The following CHODL variants were observed in gnomAD, a reference collection of about 807,000 sequenced individuals.
CHODL encodes chondrolectin, also known as transmembrane protein MT75.
A neutral mutation model predicts 34.5 loss-of-function variants in CHODL; 29 were observed. The ratio of observed to expected loss-of-function variants is 0.84; its 90% CI spans 0.63 to 1.15. The LOEUF (loss-of-function observed/expected upper bound fraction) is 1.15. Among genes scored for constraint, CHODL ranks in the 50% most tolerant of loss-of-function variants. CHODL has a pLI of 0.00. For synonymous variants in CHODL, 125 were observed against 116.1 expected, an observed-to-expected ratio of 1.08 and a Z score of -0.49; for missense variants, 332 against 332.5, an observed-to-expected ratio of 1.00 and a Z score of 0.01.
intron 1 of CHODL, among the ~76,000 whole-genome samples, chr21:18,248,827 A>G (rs2074189389): frequency 8.6e-6 from 1 of 116,822 alleles, no homozygotes; most frequent in African/African-American, 3.8e-5. Flanking sequence ...TTATATATGT[A>G]TGTATATTGT....
At chr21:18,014,624 T>C (rs1347738497) in intron 1 of CHODL, among the ~76,000 whole-genome samples, 4 of 152,184 alleles carry the variant, frequency 2.6e-5, no homozygotes, top group Non-Finnish European at 4.4e-5. Context: ...CTTGCAATAG[T>C]GAGTAAGCTC....
At chr21:17,965,745 A>G (rs1326205475) in intron 1 of CHODL, among the ~76,000 whole-genome samples, 1 of 152,100 alleles carries the variant, frequency 6.6e-6, no homozygotes, top group African/African-American at 2.4e-5. Flanking sequence ...TTTTACTAAC[A>G]CAATAAAAGT....
chr21:17,972,877 A>G (rs1034941756), intron 1 of CHODL, among the ~76,000 whole-genome samples: 4 of 152,182 alleles, frequency 2.6e-5, no homozygotes, highest in Non-Finnish European at 5.9e-5. Flanking sequence ...CCATCATACT[A>G]CGTGACTTCA....
At chr21:17,931,863 A>G (rs957329643) in intron 1 of CHODL, among the ~76,000 whole-genome samples, 12 of 152,176 alleles carry the variant, frequency 7.9e-5, no homozygotes, top group African/African-American at 2.9e-4. Context: ...CGAAGAAAAC[A>G]TGGGGAAAAC....
chr21:18,054,458 G>A (rs1384140014), intron 2 of CHODL, among the ~76,000 whole-genome samples: 1 of 151,948 alleles, frequency 6.6e-6, no homozygotes, highest in African/African-American at 2.4e-5. Flanking sequence ...AGGAAATCTT[G>A]TCATGGATGA....
chr21:18,196,365 G>A (rs1020277753), intron 2 of CHODL, among the ~76,000 whole-genome samples: 1 of 152,070 alleles, frequency 6.6e-6, no homozygotes, highest in African/African-American at 2.4e-5. Context: ...TAAATCTTAG[G>A]AAATTTTTTC....
chr21:18,183,852 T>C (rs1427411573), intron 2 of CHODL, among the ~76,000 whole-genome samples: 1 of 152,216 alleles, frequency 6.6e-6, no homozygotes, highest in Non-Finnish European at 1.5e-5. Flanking sequence ...AATGTTGTGG[T>C]GATCTGTATC....
intron 2 of CHODL, among the ~76,000 whole-genome samples, chr21:18,160,964 TC>T (rs2073088685): frequency 6.6e-6 from 1 of 152,212 alleles, no homozygotes; most frequent in Admixed American, 6.5e-5. Context: ...GTATAAGTGT[TC>T]CTTTTTCTCC....
chr21:18,096,132 T>A (rs529098641), intron 2 of CHODL, among the ~76,000 whole-genome samples: 1 of 152,170 alleles, frequency 6.6e-6, no homozygotes, highest in Non-Finnish European at 1.5e-5. Flanking sequence ...ATTGTGAAGA[T>A]TTCATGGACA....
At chr21:18,045,699 A>G (rs1359415428) in intron 2 of CHODL, among the ~76,000 whole-genome samples, 3 of 151,984 alleles carry the variant, frequency 2.0e-5, no homozygotes, top group Non-Finnish European at 2.9e-5. Flanking sequence ...TCCCCAATGC[A>G]TCAGTATTAA....
At chr21:17,980,012 A>T (rs1005089883) in intron 1 of CHODL, among the ~76,000 whole-genome samples, 1 of 151,906 alleles carries the variant, frequency 6.6e-6, no homozygotes, top group African/African-American at 2.4e-5. Flanking sequence ...AAATGTTGAC[A>T]TAAATTAAAA....
intron 3 of CHODL, among the ~76,000 whole-genome samples, chr21:18,257,437 A>T (rs143358113): frequency 1.8e-3 from 273 of 152,306 alleles, no homozygotes; most frequent in African/African-American, 6.1e-3. Context: ...ATTTTAAAAT[A>T]TTTTAAACAT....
intron 2 of CHODL, among the ~76,000 whole-genome samples, chr21:18,181,415 C>T (rs989363309): frequency 6.6e-5 from 10 of 152,194 alleles, no homozygotes; most frequent in Non-Finnish European, 1.5e-5. Flanking sequence ...GTTTTTGTTT[C>T]TGTTTGAGAC....
At chr21:18,013,635 C>CTTTTTTTTTTTTTTTTTGT (rs2064041954) in intron 1 of CHODL, among the ~76,000 whole-genome samples, 1 of 71,896 alleles carries the variant, frequency 1.4e-5, no homozygotes, top group Non-Finnish European at 2.5e-5. Context: ...GCTGCTGCTG[C>CTTTTTTTTTTTTTTTTTGT]TTTTTTTTTT....
At chr21:18,230,576 AT>A (rs1230334854) in intron 2 of CHODL, among the ~76,000 whole-genome samples, 1 of 152,218 alleles carries the variant, frequency 6.6e-6, no homozygotes, top group East Asian at 1.9e-4. Context: ...TGGTTTCATA[AT>A]TTTTTATGGA....
chr21:17,959,016 AAAACTAC>A (rs1170929175), intron 1 of CHODL, among the ~76,000 whole-genome samples: 1 of 152,088 alleles, frequency 6.6e-6, no homozygotes, highest in Non-Finnish European at 1.5e-5. Context: ...CTCTAAAGAC[AAAACTAC>A]ACAAGTTCCT....
intron 1 of CHODL, among the ~76,000 whole-genome samples, chr21:17,936,573 T>C (rs955476517): frequency 6.6e-5 from 10 of 152,192 alleles, no homozygotes; most frequent in African/African-American, 2.4e-4. Context: ...AAGCTGTTGT[T>C]TCATTATGTT....
chr21:18,054,221 G>T (rs2064551932), intron 2 of CHODL, among the ~76,000 whole-genome samples: 1 of 151,926 alleles, frequency 6.6e-6, no homozygotes, highest in Non-Finnish European at 1.5e-5. Flanking sequence ...GAGGGAGGAA[G>T]AGATCACAGA....
chr21:18,080,152 A>C (rs530691555), intron 2 of CHODL, among the ~76,000 whole-genome samples: 1 of 151,918 alleles, frequency 6.6e-6, no homozygotes, highest in Non-Finnish European at 1.5e-5. Context: ...TTATTAGTTC[A>C]TGTTCTTTGC....
Sources: allele counts gnomAD v4.1 joint callset (sites outside exome capture counted in the v4.1 genomes callset), GRCh38; gene constraint gnomAD v4.1.1; transcripts MANE v1.5; gene names NCBI Gene and HGNC (gene_info 2026-07-23, HGNC 2026-07-21).